Variants in PARL observed in about 807,000 individuals in gnomAD.
PARL encodes the protein presenilin associated rhomboid like.
Under a neutral mutation model 51.6 loss-of-function variants are expected in PARL, and 44 were observed. The ratio of observed to expected loss-of-function variants is 0.85; its 90% CI spans 0.67 to 1.10. The LOEUF (loss-of-function observed/expected upper bound fraction) is 1.10. Ranked by LOEUF, PARL falls within the 50% of genes least tolerant of loss-of-function variation. PARL has a pLI of 0.00. For synonymous variants in PARL, 172 were observed against 164.0 expected (o/e 1.05, Z -0.37); for missense variants, 441 against 469.5 (o/e 0.94, Z 0.56).
At chr3:183,865,289 C>T (rs1732333107) in intron 3 of PARL, among the ~76,000 whole-genome samples, 1 of 152,152 alleles carries the variant, frequency 6.6e-6, no homozygotes, top group Non-Finnish European at 1.5e-5. Context: ...GCCTAGGTGA[C>T]AGAGTGGGAC....
At chr3:183,851,053 GA>G (rs1730490278) in intron 4 of PARL, among the ~76,000 whole-genome samples, 3 of 152,274 alleles carry the variant, frequency 2.0e-5, no homozygotes, top group South Asian at 2.1e-4. Flanking sequence ...CTAGGGGAAA[GA>G]ATAGTCTTGT....
At position 183,844,276 on chromosome 3, in the gene PARL, G is replaced by A. The variant is rs1265151885; in HGVS notation, c.562C>T (p.Leu188=). 3 of 1,609,338 alleles carry A rather than the reference G, an allele frequency of 1.9e-6. No individual in the cohort carries two copies. The highest frequency in any genetic ancestry group is 3.3e-5 in the Admixed American group (2 of 60,012). ...AAATATCTGATCATTGTCCGCTGCA[G>A]AGAAGGTACTCTCCATAAACAGAAT... is the stretch of plus-strand genomic sequence containing the variant. ...LVFCLWRVPS[L]QRTMIRYFTS... The change falls in exon 5 of 10, where the codon CTG becomes TTG. Residue 188 remains leucine (L), a synonymous_variant. Coordinates refer to ENST00000317096, the MANE Select transcript of PARL (RefSeq NM_018622.7).
chr3:183,844,925 TG>T (rs763568242), intron 4 of PARL, among the ~76,000 whole-genome samples: 2 of 152,234 alleles, frequency 1.3e-5, no homozygotes, highest in Non-Finnish European at 2.9e-5. Flanking sequence ...CTGTAAGTGT[TG>T]ATGTTGTTAG....
rs140907713 is a variant in PARL, at chr3:183,854,218, C to T, written c.511+8535G>A. On this transcript the variant is annotated intron_variant, in intron 4 of 9. Transcript: ENST00000317096. ...GATCACGCCACTGCACTCCAGCCCA[C>T]GCGACAGAGTGAGATTCCATCTCAA... is the stretch of plus-strand genomic sequence containing the variant. Among the ~76,000 whole-genome samples, 254 of 152,202 alleles carry T rather than the reference C, an allele frequency of 1.7e-3. 1 individual carries two copies. The highest frequency in any genetic ancestry group is 5.8e-3 in the African/African-American group (242 of 41,530).
intron 1 of PARL, among the ~76,000 whole-genome samples, chr3:183,882,205 A>T (rs1310953751): frequency 1.3e-4 from 5 of 39,944 alleles, no homozygotes; most frequent in African/African-American, 4.5e-4. Flanking sequence ...CAATGTCTCT[A>T]AAAAAAAAAA....
At chr3:183,873,668 T>C (rs902992473) in intron 1 of PARL, among the ~76,000 whole-genome samples, 6 of 152,200 alleles carry the variant, frequency 3.9e-5, no homozygotes, top group African/African-American at 1.4e-4. Flanking sequence ...ACAAAGGATT[T>C]GTATTTCCAA....
chr3:183,875,427 A>AAG (rs1553904030), intron 1 of PARL, among the ~76,000 whole-genome samples: 1 of 150,614 alleles, frequency 6.6e-6, no homozygotes, highest in African/African-American at 2.5e-5. Flanking sequence ...AAAAAAAAAA[A>AAG]AAAAAAAAAA....
intron 4 of PARL, among the ~76,000 whole-genome samples, chr3:183,854,748 T>TAAA (rs34427562): frequency 1.5e-5 from 2 of 132,484 alleles, no homozygotes; most frequent in Admixed American, 7.5e-5. Flanking sequence ...TTTTTACAAT[T>TAAA]AAAAAAAAAA....
At chr3:183,829,015 CTTCT>C (rs1025227821), downstream of PARL, among the ~76,000 whole-genome samples, 15 of 152,338 alleles carry the variant, frequency 9.8e-5, no homozygotes, top group African/African-American at 3.6e-4. Flanking sequence ...ACCCAAATCA[CTTCT>C]TTCTACCTCT....
chr3:183,860,171 T>G (rs572753226), intron 4 of PARL, among the ~76,000 whole-genome samples: 23 of 152,236 alleles, frequency 1.5e-4, no homozygotes, highest in African/African-American at 5.3e-4. Context: ...CTGAGCCAAC[T>G]TCACTTTGCA....
chr3:183,828,754 C>T (rs1727602034), downstream of PARL, among the ~76,000 whole-genome samples: 1 of 152,138 alleles, frequency 6.6e-6, no homozygotes, highest in Non-Finnish European at 1.5e-5. Flanking sequence ...CCTCCCAGGA[C>T]AAAGCTGCAA....
chr3:183,865,654 G>GC (rs889649626), intron 3 of PARL, among the ~76,000 whole-genome samples: 11 of 151,952 alleles, frequency 7.2e-5, no homozygotes, highest in Non-Finnish European at 1.3e-4. Flanking sequence ...ATAACCATCT[G>GC]CCCCCCTGCA....
chr3:183,843,936 G>A (rs1237532302), intron 5 of PARL, among the ~76,000 whole-genome samples: 2 of 152,154 alleles, frequency 1.3e-5, no homozygotes, highest in Non-Finnish European at 2.9e-5. Context: ...CTACTAGGGA[G>A]GCTGAGGCAG....
At chr3:183,884,394 T>C (rs1486631553) in intron 1 of PARL, among the ~76,000 whole-genome samples, 2 of 152,214 alleles carry the variant, frequency 1.3e-5, no homozygotes, top group African/African-American at 4.8e-5. Flanking sequence ...CCAGCTGTAC[T>C]AACTTCTTCA....
At chr3:183,861,569 C>T (rs1474728915) in intron 4 of PARL, among the ~76,000 whole-genome samples, 4 of 152,124 alleles carry the variant, frequency 2.6e-5, no homozygotes, top group African/African-American at 4.8e-5. Flanking sequence ...AAAAATTAAG[C>T]CTTCCAGAGA....
At chr3:183,860,414 G>A (rs1731679102) in intron 4 of PARL, among the ~76,000 whole-genome samples, 1 of 152,198 alleles carries the variant, frequency 6.6e-6, no homozygotes, top group African/African-American at 2.4e-5. Context: ...CATTTCCTGA[G>A]GTTAAAGTCA....
At chr3:183,837,460 C>T (rs574559647) in intron 7 of PARL, among the ~76,000 whole-genome samples, 19 of 152,324 alleles carry the variant, frequency 1.2e-4, no homozygotes, top group South Asian at 4.1e-4. Context: ...CATCCCAATA[C>T]GCCTAACAGG....
chr3:183,871,161 A>G (rs1422445702), intron 1 of PARL, among the ~76,000 whole-genome samples: 2 of 152,198 alleles, frequency 1.3e-5, no homozygotes, highest in Non-Finnish European at 2.9e-5. Context: ...ACTCAAAGTA[A>G]GATGGTACTA....
intron 4 of PARL, among the ~76,000 whole-genome samples, chr3:183,854,752 A>G (rs1730952142): frequency 6.6e-6 from 1 of 151,678 alleles, no homozygotes; most frequent in East Asian, 1.9e-4. Flanking sequence ...TACAATTAAA[A>G]AAAAAAAAAA....
Sources: gnomAD v4.1 joint callset for allele counts (sites outside exome capture counted in the v4.1 genomes callset) on GRCh38, gnomAD v4.1.1 for gene constraint, MANE v1.5 for transcripts, NCBI Gene and HGNC (gene_info 2026-07-23, HGNC 2026-07-21) for gene names.